Variants in SLC25A30 observed in about 807,000 individuals in gnomAD.
SLC25A30 encodes the protein solute carrier family 25 member 30, also known as kidney mitochondrial carrier protein 1.
SLC25A30 carries 29 observed loss-of-function variants against 42.7 expected under a neutral mutation model. The ratio of observed to expected loss-of-function variants is 0.68; its 90% CI spans 0.51 to 0.93. SLC25A30 has a LOEUF of 0.93. SLC25A30 is among the 40% of genes least tolerant of loss of function. The probability of loss-of-function intolerance (pLI) is 0.00; values close to 1 mark genes in which losing one functional copy is unlikely to be tolerated. For synonymous variants in SLC25A30, 124 were observed against 131.0 expected (o/e 0.95, Z 0.37); for missense variants, 300 against 359.7 (o/e 0.83, Z 1.34).
chr13:45,424,027 A>G, the SLC25A30 span, among the ~76,000 whole-genome samples: 5 of 100,002 alleles, frequency 5.0e-5, no homozygotes, highest in Non-Finnish European at 7.1e-5. Context: ...CTGTAAAAAT[A>G]TATATTTATA....
At position 45,394,635 on chromosome 13, in the gene SLC25A30, C is replaced by T; in HGVS notation, c.*1339G>A. On this transcript the variant is annotated 3_prime_UTR_variant, in exon 10 of 10. Transcript: ENST00000519676. ...TATTTTGAAAAGACTAAGATGAAGA[C>T]AAGAAGGAAGAGGGCTCTTTCTCTG... 1 of 984,234 alleles carries T rather than the reference C, an allele frequency of 1.0e-6. No individual in the cohort carries two copies. Among genetic ancestry groups the T allele is most frequent in the African/African-American group, 1.8e-5 (1 of 56,866 alleles). 61.0% of individuals were successfully genotyped at this position (984,234 alleles called of 1,614,324 possible).
intron 8 of SLC25A30, 70 bp from the exon 9 acceptor site, chr13:45,397,408 C>A: frequency 1.7e-6 from 2 of 1,153,814 alleles, no homozygotes; most frequent in Non-Finnish European, 2.6e-6. Flanking sequence ...TAATTAGTGG[C>A]CAGGCCAGGC....
At chr13:45,428,746 C>T in the SLC25A30 span, among the ~76,000 whole-genome samples, 1 of 151,608 alleles carries the variant, frequency 6.6e-6, no homozygotes, top group African/African-American at 2.4e-5. Flanking sequence ...TGGTCTTGAA[C>T]TCCTGACCTC....
chr13:45,427,350 T>C, the SLC25A30 span, among the ~76,000 whole-genome samples: 1 of 152,198 alleles, frequency 6.6e-6, no homozygotes, highest in Non-Finnish European at 1.5e-5. Context: ...GGTCCTTTCC[T>C]TAAGTTTTCA....
the SLC25A30 span, among the ~76,000 whole-genome samples, chr13:45,425,605 T>TAA: frequency 7.9e-5 from 4 of 50,388 alleles, no homozygotes; most frequent in African/African-American, 3.9e-4. Context: ...TACATATATA[T>TAA]ATACATATAT....
At chr13:45,425,130 G>GTATATATACATA in the SLC25A30 span, among the ~76,000 whole-genome samples, 1 of 22,034 alleles carries the variant, frequency 4.5e-5, no homozygotes, top group Non-Finnish European at 8.4e-5. Context: ...AAATATATAA[G>GTATATATACATA]TATATAAATA....
At chr13:45,418,964 A>AAAAAAAAAAC (rs1883776251), upstream of SLC25A30, among the ~76,000 whole-genome samples, 1 of 111,436 alleles carries the variant, frequency 9.0e-6, no homozygotes, top group Non-Finnish European at 1.8e-5. Context: ...AAAAAAAAAA[A>AAAAAAAAAAC]AAAAAAAAAA....
chr13:45,409,128 GATACGTAGTGAT>G, intron 2 of SLC25A30, 54 bp from the exon 3 acceptor site: 1 of 1,330,854 alleles, frequency 7.5e-7, no homozygotes. Context: ...CTAAATAAAG[GATACGTAGTGAT>G]ATATTACTGA....
At chr13:45,430,021 T>C in the SLC25A30 span, among the ~76,000 whole-genome samples, 1 of 151,862 alleles carries the variant, frequency 6.6e-6, no homozygotes, top group Non-Finnish European at 1.5e-5. Flanking sequence ...AATTTTGAAG[T>C]GAATTAGAAA....
At chr13:45,422,820 C>G (rs1593640221), upstream of SLC25A30, among the ~76,000 whole-genome samples, 1 of 152,108 alleles carries the variant, frequency 6.6e-6, no homozygotes, top group African/African-American at 2.4e-5. Context: ...CTCCCTTTTA[C>G]CTCTGCAACT....
intron 8 of SLC25A30, chr13:45,398,564 A>G (rs1002634673): frequency 2.6e-5 from 4 of 155,296 alleles, no homozygotes; most frequent in African/African-American, 9.6e-5. Context: ...TCACCCACTC[A>G]TAAAACAGGA....
chr13:45,425,116 T>TGTATA, the SLC25A30 span, among the ~76,000 whole-genome samples: 4 of 15,870 alleles, frequency 2.5e-4, no homozygotes, highest in Non-Finnish European at 3.1e-4. Context: ...ATAAATATAT[T>TGTATA]TATAAATATA....
chr13:45,428,348 A>G, the SLC25A30 span, among the ~76,000 whole-genome samples: 1 of 151,038 alleles, frequency 6.6e-6, no homozygotes, highest in South Asian at 2.1e-4. Context: ...AGCTGGGACT[A>G]CAGGCGCATG....
At chr13:45,399,142 A>C in intron 7 of SLC25A30, 64 bp from the exon 8 acceptor site, 1 of 1,494,204 alleles carries the variant, frequency 6.7e-7, no homozygotes, top group South Asian at 1.3e-5. Context: ...ACCACCATCA[A>C]AGGCAGAAAA....
upstream of SLC25A30, among the ~76,000 whole-genome samples, chr13:45,422,433 C>G (rs1246637552): frequency 6.6e-6 from 1 of 152,106 alleles, no homozygotes; most frequent in Non-Finnish European, 1.5e-5. Context: ...AGAAGAACAC[C>G]TGGATAGGCC....
rs1162422751 is a variant in SLC25A30 at position 45,397,288 on chromosome 13, A to G, written c.804T>C (p.Asn268=). 2 of 1,613,038 alleles carry G rather than the reference A, an allele frequency of 1.2e-6. No homozygotes were observed. Among genetic ancestry groups the G allele is most frequent in the South Asian group, 1.1e-5 (1 of 91,038 alleles). The change falls in exon 9 of 10, where the codon AAT becomes AAC. Residue 268 remains asparagine, a synonymous_variant. Transcript: ENST00000519676. Reference sequence around the variant, plus strand: ...TATTCCAAGGACCAAGTCTCAACCAATTTGGCCAAAAGCCTTTATAGAGAG... The same window carrying G: ...TATTCCAAGGACCAAGTCTCAACCAGTTTGGCCAAAAGCCTTTATAGAGAG... ...FFALYKGFWP[N]WLRLGPWNII... is the part of the protein sequence containing the mutation.
At chr13:45,425,458 A>G in the SLC25A30 span, among the ~76,000 whole-genome samples, 3 of 101,124 alleles carry the variant, frequency 3.0e-5, no homozygotes, top group South Asian at 7.8e-4. Context: ...ATATAAGTGT[A>G]TATATAAATA....
At chr13:45,424,445 A>AAAAATATAT in the SLC25A30 span, among the ~76,000 whole-genome samples, 1 of 62,528 alleles carries the variant, frequency 1.6e-5, no homozygotes, top group Non-Finnish European at 2.8e-5. Flanking sequence ...ATAAATATAT[A>AAAAATATAT]AAAATATATA....
upstream of SLC25A30, among the ~76,000 whole-genome samples, chr13:45,419,766 C>T (rs1883834216): frequency 6.6e-6 from 1 of 151,382 alleles, no homozygotes; most frequent in Non-Finnish European, 1.5e-5. Context: ...CCCATCTCTA[C>T]TAAAAGTACA....
Sources: allele counts gnomAD v4.1 joint callset (sites outside exome capture counted in the v4.1 genomes callset), GRCh38; gene constraint gnomAD v4.1.1; transcripts MANE v1.5; gene names NCBI Gene and HGNC (gene_info 2026-07-23, HGNC 2026-07-21).